The following PDLIM5 variants were observed in gnomAD, a reference collection of about 807,000 sequenced individuals.
PDLIM5 encodes PDZ and LIM domain 5.
PDLIM5 carries 34 observed loss-of-function variants against 64.2 expected under a neutral mutation model. The observed-to-expected ratio is 0.53, with a 90% CI of 0.40 to 0.71. The LOEUF (loss-of-function observed/expected upper bound fraction) is 0.71, where lower values mean the gene tolerates loss of function less well. Ranked by LOEUF, PDLIM5 falls within the 30% of genes least tolerant of loss-of-function variation. PDLIM5 has a pLI of 0.00. For missense variants in PDLIM5, 683 were observed against 733.6 expected (o/e 0.93, Z 0.80); for synonymous variants, 253 against 269.1 (o/e 0.94, Z 0.59).
intron 2 of PDLIM5, among the ~76,000 whole-genome samples, chr4:94,459,279 A>G (rs766672375): frequency 2.0e-5 from 3 of 152,200 alleles, no homozygotes; most frequent in Non-Finnish European, 2.9e-5. Flanking sequence ...TATTTGGATT[A>G]CCTGAAGATG....
At chr4:94,479,644 T>C (rs1725682245) in intron 2 of PDLIM5, among the ~76,000 whole-genome samples, 1 of 152,170 alleles carries the variant, frequency 6.6e-6, no homozygotes, top group Non-Finnish European at 1.5e-5. Flanking sequence ...GATCTTTGTA[T>C]ATTGGATTGT....
chr4:94,646,499 A>C (rs893359003), intron 9 of PDLIM5, among the ~76,000 whole-genome samples: 3 of 152,210 alleles, frequency 2.0e-5, no homozygotes, highest in Non-Finnish European at 2.9e-5. Context: ...TACTTTGCTA[A>C]GGCAGTCCTG....
chr4:94,534,673 A>G (rs899638542), intron 3 of PDLIM5, among the ~76,000 whole-genome samples: 4 of 152,236 alleles, frequency 2.6e-5, no homozygotes, highest in African/African-American at 7.2e-5. Context: ...GGACATAATA[A>G]GGATAAGTTT....
intron 3 of PDLIM5, among the ~76,000 whole-genome samples, chr4:94,537,642 T>TA (rs1162892129): frequency 2.6e-5 from 4 of 152,132 alleles, no homozygotes; most frequent in Non-Finnish European, 5.9e-5. Flanking sequence ...AAAAGGAACT[T>TA]AAACACTTTA....
intron 2 of PDLIM5, among the ~76,000 whole-genome samples, chr4:94,460,632 A>T (rs1312155422): frequency 6.6e-6 from 1 of 150,990 alleles, no homozygotes; most frequent in African/African-American, 2.5e-5. Context: ...AAAAAAAAAA[A>T]GAAAAAAAAA....
chr4:94,650,628 G>C (rs1741769396), intron 9 of PDLIM5, among the ~76,000 whole-genome samples: 1 of 152,094 alleles, frequency 6.6e-6, no homozygotes, highest in African/African-American at 2.4e-5. Context: ...GTTAATTTCT[G>C]TCATTGGGAT....
At chr4:94,613,960 C>CA (rs2110383933) in intron 7 of PDLIM5, among the ~76,000 whole-genome samples, 1 of 124,344 alleles carries the variant, frequency 8.0e-6, no homozygotes, top group East Asian at 2.2e-4. Context: ...ACTTTTAATC[C>CA]TTTTTTTTTT....
At chr4:94,496,602 A>G (rs560273070) in intron 2 of PDLIM5, among the ~76,000 whole-genome samples, 1 of 152,116 alleles carries the variant, frequency 6.6e-6, no homozygotes, top group East Asian at 1.9e-4. Context: ...CAGTCCTCCC[A>G]CCTCCACCTC....
intron 2 of PDLIM5, among the ~76,000 whole-genome samples, chr4:94,476,262 T>A (rs1725312704): frequency 6.6e-6 from 1 of 152,174 alleles, no homozygotes; most frequent in Non-Finnish European, 1.5e-5. Context: ...GAATGTGACT[T>A]TGTTTTTAGT....
chr4:94,611,255 C>T, intron 7 of PDLIM5: 4 of 1,412,928 alleles, frequency 2.8e-6, no homozygotes, highest in Non-Finnish European at 3.8e-6. Context: ...ATACTGCTTT[C>T]TCTAACACTC....
At position 94,587,130 on chromosome 4, in the gene PDLIM5, CTT is replaced by C. The variant is rs5860367; in HGVS notation, c.920+696_920+697del. The C allele has an allele frequency of 7.9e-5, 96 of 1,216,558 alleles. No homozygotes were observed. In the Admixed American group the frequency reaches 8.4e-4, roughly 11 times the overall value. The allele number at this position is 1,216,558 out of a possible 1,614,324, so 75.4% of individuals were successfully genotyped here. Reference sequence around the variant, plus strand: ...CAGCCAGCACATACCTTTTCATTTACTTTTTTTTTTTCAACTTCATAGCAAAA... The same window carrying C: ...CAGCCAGCACATACCTTTTCATTTACTTTTTTTTTCAACTTCATAGCAAAA... On this transcript the variant is annotated intron_variant, in intron 7 of 12. Coordinates refer to ENST00000317968, the MANE Select transcript of PDLIM5 (RefSeq NM_006457.5).
Position 94,456,487 on chromosome 4 carries a change from C to T in PDLIM5, c.96+1103C>T, listed in dbSNP as rs113597018. 2,694 of 702,730 alleles carry T rather than the reference C, an allele frequency of 3.8e-3. 67 individuals are homozygous for T. In the African/African-American group the frequency reaches 0.041, roughly 11 times the overall value. The allele number at this position is 702,730 out of a possible 1,614,324, so 43.5% of individuals were successfully genotyped here. On this transcript the variant is annotated intron_variant, in intron 2 of 12. Transcript: ENST00000317968. The stretch of plus-strand genomic sequence containing the variant: ...TGCTAAGATTACAGGCGTGAGCCAC[C>T]GTGCCTGGCCCACACTGTTTTATAC...
At chr4:94,456,895 C>T (rs964594438) in intron 2 of PDLIM5, 2 of 1,068,140 alleles carry the variant, frequency 1.9e-6, no homozygotes, top group African/African-American at 3.4e-5. Context: ...TGATATTATT[C>T]CCATTGTATA....
chr4:94,528,284 T>C (rs1275306748), intron 3 of PDLIM5, among the ~76,000 whole-genome samples: 1 of 152,118 alleles, frequency 6.6e-6, no homozygotes, highest in East Asian at 1.9e-4. Context: ...ACCTCACTCC[T>C]TTTTCCCCTT....
At chr4:94,469,960 A>ATTTTTTT (rs34572366) in intron 2 of PDLIM5, among the ~76,000 whole-genome samples, 10 of 71,558 alleles carry the variant, frequency 1.4e-4, no homozygotes, top group South Asian at 6.3e-4. Flanking sequence ...CATTCTTTTA[A>ATTTTTTT]TTTTTTTTTT....
At chr4:94,510,509 A>G (rs1728773427) in intron 2 of PDLIM5, among the ~76,000 whole-genome samples, 1 of 152,154 alleles carries the variant, frequency 6.6e-6, no homozygotes, top group Non-Finnish European at 1.5e-5. Flanking sequence ...GTATTAGATT[A>G]TTATACGAAA....
rs146124201 is a variant in PDLIM5 at position 94,662,299 on chromosome 4, A to C, written c.1586-123A>C. The C allele has an allele frequency of 1.7e-4, 85 of 501,018 alleles. 1 individual carries two copies. The highest frequency in any genetic ancestry group is 1.2e-3 in the African/African-American group (62 of 51,798). The allele number at this position is 501,018 out of a possible 1,614,324, so 31.0% of individuals were successfully genotyped here. A position where few individuals can be genotyped will look rare whatever the true frequency, so the allele number is the denominator to read the frequency against. On this transcript the variant is annotated intron_variant, in intron 11 of 12. Transcript: ENST00000317968. Reference sequence around the variant, plus strand: ...TTATGCCATCTCCTGAAATTTTTCAAATTCCTAATATCTTTGTCTTCAGCA... The same window carrying C: ...TTATGCCATCTCCTGAAATTTTTCACATTCCTAATATCTTTGTCTTCAGCA...
chr4:94,462,672 A>G (rs1724008034), intron 2 of PDLIM5, among the ~76,000 whole-genome samples: 1 of 152,192 alleles, frequency 6.6e-6, no homozygotes, highest in African/African-American at 2.4e-5. Flanking sequence ...TATTTGTCAC[A>G]TAAATTCCTA....
intron 7 of PDLIM5, among the ~76,000 whole-genome samples, chr4:94,604,683 T>C (rs774006269): frequency 1.3e-5 from 2 of 152,134 alleles, no homozygotes; most frequent in Middle Eastern, 3.4e-3. Context: ...AGAATGGTGC[T>C]GGTTACCACA....
Sources: gnomAD v4.1 joint callset for allele counts (sites outside exome capture counted in the v4.1 genomes callset) on GRCh38, gnomAD v4.1.1 for gene constraint, MANE v1.5 for transcripts, NCBI Gene and HGNC (gene_info 2026-07-23, HGNC 2026-07-21) for gene names.